CYTH1: variants seen among roughly 807,000 people sequenced by gnomAD.
CYTH1 encodes the protein cytohesin 1.
A neutral mutation model predicts 61.8 loss-of-function variants in CYTH1; 18 were observed. The ratio of observed to expected loss-of-function variants is 0.29; its 90% CI spans 0.20 to 0.43. The LOEUF (loss-of-function observed/expected upper bound fraction) is 0.43, where lower values mean the gene tolerates loss of function less well. CYTH1 is among the 20% of genes least tolerant of loss of function. The pLI, the probability that CYTH1 is intolerant of heterozygous loss-of-function variation, is 1.00. For synonymous variants in CYTH1, 174 were observed against 184.3 expected (o/e 0.94, Z 0.45); for missense variants, 336 against 510.5 (o/e 0.66, Z 3.29).
At chr17:78,779,670 A>C (rs2093508812) in intron 1 of CYTH1, among the ~76,000 whole-genome samples, 1 of 152,206 alleles carries the variant, frequency 6.6e-6, no homozygotes. Context: ...AGAAATGAGA[A>C]GATGCTACCT....
Position 78,698,254 on chromosome 17 carries a change from C to T in CYTH1, c.811+15G>A. The T allele has an allele frequency of 6.2e-7, 1 of 1,604,628 alleles. No homozygotes were observed. The highest frequency in any genetic ancestry group is 8.5e-7 in the Non-Finnish European group (1 of 1,171,758). On this transcript the variant is annotated intron_variant, in intron 9 of 13. Coordinates refer to ENST00000446868, the MANE Select transcript of CYTH1 (RefSeq NM_004762.6). ...AGTCTCAGCTTTAGGAGCCCTGACT[C>T]AGAGGTGCGCTTACCGAGTTTCAAT...
chr17:78,755,638 G>A (rs982840626), intron 1 of CYTH1, among the ~76,000 whole-genome samples: 10 of 152,150 alleles, frequency 6.6e-5, no homozygotes, highest in African/African-American at 2.4e-4. Context: ...GGTAGAGGGA[G>A]GAATGGACAG....
chr17:78,762,270 A>G (rs1272837357), intron 1 of CYTH1, among the ~76,000 whole-genome samples: 1 of 152,224 alleles, frequency 6.6e-6, no homozygotes, highest in Non-Finnish European at 1.5e-5. Flanking sequence ...GTTGCTGATC[A>G]GCAGAATATA....
chr17:78,711,300 ATAAT>A (rs1432561524), intron 1 of CYTH1, among the ~76,000 whole-genome samples: 1 of 96,848 alleles, frequency 1.0e-5, no homozygotes, highest in East Asian at 2.5e-4. Context: ...AAATAAATAA[ATAAT>A]ATATATATAT....
At chr17:78,714,092 C>T (rs2144473006) in intron 1 of CYTH1, among the ~76,000 whole-genome samples, 1 of 152,194 alleles carries the variant, frequency 6.6e-6, no homozygotes, top group South Asian at 2.1e-4. Context: ...GAGTTCAAGA[C>T]CCGTTTGACC....
chr17:78,745,395 C>A, intron 1 of CYTH1, among the ~76,000 whole-genome samples: 1 of 152,090 alleles, frequency 6.6e-6, no homozygotes, highest in Non-Finnish European at 1.5e-5. Flanking sequence ...GCAGAAACAG[C>A]ACAATTTACA....
At chr17:78,721,971 T>C (rs985885204) in intron 1 of CYTH1, among the ~76,000 whole-genome samples, 1 of 152,056 alleles carries the variant, frequency 6.6e-6, no homozygotes, top group African/African-American at 2.4e-5. Flanking sequence ...CGCTTGAACC[T>C]GGGAGGCGGA....
intron 1 of CYTH1, among the ~76,000 whole-genome samples, chr17:78,766,969 C>T (rs949271235): frequency 9.2e-5 from 14 of 152,188 alleles, no homozygotes; most frequent in African/African-American, 3.4e-4. Flanking sequence ...CATTTCCTCA[C>T]CTATAAAATC....
chr17:78,766,822 A>G (rs2093450557), intron 1 of CYTH1, among the ~76,000 whole-genome samples: 1 of 152,208 alleles, frequency 6.6e-6, no homozygotes, highest in Non-Finnish European at 1.5e-5. Flanking sequence ...AAAAATGAAG[A>G]GGGGGGTGTG....
chr17:78,702,325 G>A, intron 4 of CYTH1, 85 bp from the exon 5 acceptor site: 1 of 1,173,574 alleles, frequency 8.5e-7, no homozygotes, highest in Non-Finnish European at 1.3e-6. Flanking sequence ...AGAAATGGGT[G>A]TGGGTGCACT....
chr17:78,770,355 G>C (rs199531274), intron 1 of CYTH1, among the ~76,000 whole-genome samples: 1 of 128,358 alleles, frequency 7.8e-6, no homozygotes, highest in Admixed American at 8.1e-5. Context: ...GAAAAGAAAA[G>C]AAAAAAAAAA....
chr17:78,698,303 GAAGA>G lies in CYTH1; in HGVS notation c.773_776del (p.Phe258SerfsTer10). On this transcript the variant is annotated frameshift_variant, in exon 9 of 14. Transcript: ENST00000446868. LOFTEE classifies it high-confidence loss of function. ...ATAGCCAGCCTTCTCGGTCTGGATT[GAAGA>G]AAGTGTGAGTGAGGTCATTCCCGTC... 6.2e-7 allele frequency: 1 copy of G among 1,613,614 alleles called. No individual in the cohort carries two copies. The highest frequency in any genetic ancestry group is 8.5e-7 in the Non-Finnish European group (1 of 1,179,876).
chr17:78,755,491 T>TAAAAAAA (rs3073742), intron 1 of CYTH1, among the ~76,000 whole-genome samples: 64,274 of 129,518 alleles, frequency 0.5, 16,947 homozygotes, highest in African/African-American at 0.64. Flanking sequence ...TGGGTTTATT[T>TAAAAAAA]AAAAAAAAAA....
intron 1 of CYTH1, among the ~76,000 whole-genome samples, chr17:78,737,542 C>T (rs899275381): frequency 2.0e-5 from 3 of 149,488 alleles, no homozygotes; most frequent in African/African-American, 5.0e-5. Flanking sequence ...ACTAAGAGAT[C>T]GTAATCATTA....
intron 1 of CYTH1, among the ~76,000 whole-genome samples, chr17:78,766,087 G>GAAAAAAA (rs59673666): frequency 3.0e-5 from 2 of 65,684 alleles, no homozygotes; most frequent in Middle Eastern, 0.013. Context: ...CATCTCTACA[G>GAAAAAAA]AAAAAAAAAA....
intron 1 of CYTH1, among the ~76,000 whole-genome samples, chr17:78,766,639 A>T (rs573575725): frequency 1.3e-5 from 2 of 152,350 alleles, no homozygotes; most frequent in African/African-American, 4.8e-5. Flanking sequence ...AACCAGCAAC[A>T]CAGGTTTAAC....
At chr17:78,725,136 T>G (rs1251714669) in intron 1 of CYTH1, among the ~76,000 whole-genome samples, 4 of 151,976 alleles carry the variant, frequency 2.6e-5, no homozygotes, top group South Asian at 4.2e-4. Context: ...TCCACCAGAG[T>G]ACTCAGTTAC....
intron 1 of CYTH1, among the ~76,000 whole-genome samples, chr17:78,714,359 G>C (rs772850640): frequency 6.6e-6 from 1 of 152,014 alleles, no homozygotes; most frequent in Non-Finnish European, 1.5e-5. Context: ...ATATCAAAGA[G>C]TACACAGAGA....
chr17:78,730,913 C>T (rs1044244421), intron 1 of CYTH1, among the ~76,000 whole-genome samples: 10 of 152,080 alleles, frequency 6.6e-5, no homozygotes, highest in Middle Eastern at 3.2e-3. Flanking sequence ...ATCTGCCTGC[C>T]TCGGCCTCCC....
Sources: gnomAD v4.1 joint callset for allele counts (sites outside exome capture counted in the v4.1 genomes callset) on GRCh38, gnomAD v4.1.1 for gene constraint, MANE v1.5 for transcripts, NCBI Gene and HGNC (gene_info 2026-07-23, HGNC 2026-07-21) for gene names.